Variants in ATP8A1 observed in about 807,000 individuals in gnomAD.
The protein encoded by ATP8A1 is phospholipid-transporting ATPase IA.
In ATP8A1, 90 loss-of-function variants were observed where a neutral mutation model predicts 177.7. The ratio of observed to expected loss-of-function variants is 0.51; its 90% CI spans 0.43 to 0.60. The LOEUF (loss-of-function observed/expected upper bound fraction) is 0.60. Among genes scored for constraint, ATP8A1 ranks in the 20% least tolerant of loss-of-function variants. ATP8A1 has a pLI of 0.00. For missense variants in ATP8A1, 1,072 were observed against 1,392.8 expected (o/e 0.77, Z 3.67); for synonymous variants, 493 against 485.9 (o/e 1.01, Z -0.19).
At chr4:42,581,491 G>T in intron 10 of ATP8A1, 130 bp downstream of exon 10, 1 of 706,054 alleles carries the variant, frequency 1.4e-6, no homozygotes, top group Non-Finnish European at 2.5e-6. Flanking sequence ...ACCAGATTCT[G>T]AACATATAGG....
At position 42,464,734 on chromosome 4, in the gene ATP8A1, T is replaced by C. The variant is rs755444266; in HGVS notation, c.2575A>G (p.Ile859Val). Reference protein sequence around the residue: ...AWNYNRVSKCILYCFYKNIVL... With the variant: ...AWNYNRVSKCVLYCFYKNIVL... Reference sequence around the variant, plus strand: ...ATATTCTTGTAGAAGCAGTATAAGATGCACTTGGAGACTCTGTTATAGTTC... The same window carrying C: ...ATATTCTTGTAGAAGCAGTATAAGACGCACTTGGAGACTCTGTTATAGTTC... The change falls in exon 27 of 37, where the codon ATC (isoleucine) becomes GTC (valine). Residue 859 changes from isoleucine (I) to valine (V), a missense_variant. Transcript: ENST00000381668. 5.6e-6 allele frequency: 9 copies of C among 1,613,410 alleles called. No homozygotes were observed. In the South Asian group the frequency reaches 7.7e-5, roughly 14 times the overall value.
rs759412754 is a variant in ATP8A1, at chr4:42,522,224, C to T, written c.1883G>A (p.Arg628Gln). 9.9e-6 allele frequency: 16 copies of T among 1,613,712 alleles called. No individual in the cohort carries two copies. The highest frequency in any genetic ancestry group is 2.2e-5 in the East Asian group (1 of 44,840). Residue 628 changes from arginine to glutamine, a missense_variant, in exon 22 of 37, where the codon CGA (arginine) becomes CAA (glutamine). This residue lies in a region of ATP8A1 where 388 missense variants were observed against 471.7 expected (regional missense o/e 0.82). Transcript: ENST00000381668. Reference sequence around the variant, plus strand: ...CCTGTTCTGCACAGATGTAGATGCTCGCTGATAGACTGCTCGCCACTCCTG... The same window carrying T: ...CCTGTTCTGCACAGATGTAGATGCTTGCTGATAGACTGCTCGCCACTCCTG... ...DFQEWRAVYQ[R>Q]ASTSVQNRLL... is the part of the protein sequence containing the mutation.
intron 1 of ATP8A1, among the ~76,000 whole-genome samples, chr4:42,646,640 A>G (rs1220075824): frequency 1.3e-5 from 2 of 152,218 alleles, no homozygotes; most frequent in East Asian, 3.9e-4. Flanking sequence ...TACTCTAAAC[A>G]GGTCTGGCCC....
intron 5 of ATP8A1, among the ~76,000 whole-genome samples, chr4:42,607,889 A>G (rs1735957060): frequency 6.6e-6 from 1 of 152,168 alleles, no homozygotes; most frequent in Admixed American, 6.5e-5. Flanking sequence ...GGGAGTAGGA[A>G]TAAGTTACGA....
rs973571459 is a variant in ATP8A1, at chr4:42,409,775, C to G, written c.*3141G>C. 1 of 152,070 alleles carries G rather than the reference C, an allele frequency of 6.6e-6. No homozygotes were observed. Among genetic ancestry groups the G allele is most frequent in the African/African-American group, 2.4e-5 (1 of 41,410 alleles). 9.4% of individuals were successfully genotyped at this position (152,070 alleles called of 1,614,324 possible). A position where few individuals can be genotyped will look rare whatever the true frequency, so the allele number is the denominator to read the frequency against. On this transcript the variant is annotated 3_prime_UTR_variant, in exon 37 of 37. Transcript: ENST00000381668. ...GACAAGTTGTAAGTGTTGTACAGTGCACGCAATGCAAAACAAATTATCATG... is the reference window on the plus strand; with the variant it reads ...GACAAGTTGTAAGTGTTGTACAGTGGACGCAATGCAAAACAAATTATCATG...
intron 25 of ATP8A1, among the ~76,000 whole-genome samples, chr4:42,478,167 C>A (rs1051805031): frequency 3.3e-5 from 5 of 152,004 alleles, no homozygotes; most frequent in Admixed American, 2.6e-4. Flanking sequence ...CCAGCCTGGG[C>A]AACATGATAA....
chr4:42,600,745 T>A (rs980605856), intron 5 of ATP8A1, among the ~76,000 whole-genome samples: 1 of 152,196 alleles, frequency 6.6e-6, no homozygotes, highest in Non-Finnish European at 1.5e-5. Context: ...GAGCATCTGA[T>A]TGGTGTTACC....
At chr4:42,517,266 C>T (rs2153197047) in intron 22 of ATP8A1, among the ~76,000 whole-genome samples, 1 of 147,600 alleles carries the variant, frequency 6.8e-6, no homozygotes, top group East Asian at 2.0e-4. Flanking sequence ...GCACTTTAGC[C>T]TGGCAACAGA....
chr4:42,574,576 A>G, intron 14 of ATP8A1, 43 bp downstream of exon 14: 1 of 1,486,506 alleles, frequency 6.7e-7, no homozygotes, highest in Non-Finnish European at 9.3e-7. Flanking sequence ...GTTAGCACTA[A>G]TTAAGCATGT....
At chr4:42,550,704 G>A (rs1411028303) in intron 18 of ATP8A1, among the ~76,000 whole-genome samples, 1 of 152,148 alleles carries the variant, frequency 6.6e-6, no homozygotes, top group African/African-American at 2.4e-5. Flanking sequence ...GGCTGAGGTG[G>A]GAGAATCACT....
intron 31 of ATP8A1, among the ~76,000 whole-genome samples, chr4:42,445,888 T>C (rs1717160992): frequency 6.6e-6 from 1 of 152,052 alleles, no homozygotes; most frequent in Admixed American, 6.6e-5. Flanking sequence ...GAGACCAGCC[T>C]GGCCAACATG....
At chr4:42,656,168 C>T (rs1741593291) in intron 1 of ATP8A1, among the ~76,000 whole-genome samples, 1 of 152,182 alleles carries the variant, frequency 6.6e-6, no homozygotes. Flanking sequence ...CAAGAGCTGG[C>T]CCCAGGTGGA....
chr4:42,461,527 C>T (rs1719156870), intron 27 of ATP8A1, among the ~76,000 whole-genome samples: 1 of 152,118 alleles, frequency 6.6e-6, no homozygotes, highest in Non-Finnish European at 1.5e-5. Flanking sequence ...GTGACTTGTT[C>T]CTCCTTGCCT....
At chr4:42,542,608 A>C in intron 20 of ATP8A1, among the ~76,000 whole-genome samples, 1 of 151,802 alleles carries the variant, frequency 6.6e-6, no homozygotes, top group African/African-American at 2.4e-5. Context: ...CCCACCCTGC[A>C]ACGGTGTGTA....
At chr4:42,419,658 AG>A (rs773201014) in intron 35 of ATP8A1, among the ~76,000 whole-genome samples, 19 of 152,232 alleles carry the variant, frequency 1.2e-4, no homozygotes, top group Non-Finnish European at 2.5e-4. Context: ...TGGTATCATT[AG>A]AATTCACAAG....
At chr4:42,550,713 C>G (rs557022290) in intron 18 of ATP8A1, among the ~76,000 whole-genome samples, 1 of 152,338 alleles carries the variant, frequency 6.6e-6, no homozygotes, top group Non-Finnish European at 1.5e-5. Flanking sequence ...GGGAGAATCA[C>G]TTGGGTAGGT....
At chr4:42,522,443 A>G (rs1418648690) in intron 21 of ATP8A1, 144 bp from the exon 22 acceptor site, 28 of 963,314 alleles carry the variant, frequency 2.9e-5, no homozygotes, top group Non-Finnish European at 9.2e-6. Flanking sequence ...AATTATGACA[A>G]AAACTTAGTA....
At chr4:42,587,534 C>T (rs934164926) in intron 8 of ATP8A1, among the ~76,000 whole-genome samples, 13 of 151,440 alleles carry the variant, frequency 8.6e-5, no homozygotes, top group Admixed American at 2.6e-4. Context: ...TCTTGAACTC[C>T]TGACCTCGTG....
chr4:42,620,181 T>C (rs1158694842), intron 4 of ATP8A1, among the ~76,000 whole-genome samples: 1 of 152,218 alleles, frequency 6.6e-6, no homozygotes, highest in Non-Finnish European at 1.5e-5. Context: ...AGACAGCTCT[T>C]TGTCCAACTA....
Sources: gnomAD v4.1 joint callset for allele counts (sites outside exome capture counted in the v4.1 genomes callset) on GRCh38, gnomAD v4.1.1 for gene constraint, gnomAD v4.1.1 regional missense constraint, MANE v1.5 for transcripts, NCBI Gene and HGNC (gene_info 2026-07-23, HGNC 2026-07-21) for gene names.